Variants in TMEM154 observed in about 807,000 individuals in gnomAD.
The protein encoded by TMEM154 is transmembrane protein 154.
A neutral mutation model predicts 24.5 loss-of-function variants in TMEM154; 27 were observed. The observed-to-expected ratio is 1.10, with a 90% confidence interval of 0.81 to 1.52. The LOEUF (loss-of-function observed/expected upper bound fraction) is 1.52. TMEM154 is among the 40% of genes most tolerant of loss of function. The pLI is 0.00. For missense variants in TMEM154, 228 were observed against 213.4 expected (o/e 1.07, Z -0.43); for synonymous variants, 67 against 76.8 (o/e 0.87, Z 0.67).
At chr4:152,672,952 C>T (rs1728877350) in intron 1 of TMEM154, among the ~76,000 whole-genome samples, 1 of 152,172 alleles carries the variant, frequency 6.6e-6, no homozygotes, top group African/African-American at 2.4e-5. Flanking sequence ...ATGTAAAAAT[C>T]AATCTTAGCT....
chr4:152,677,335 G>A (rs988912971), intron 1 of TMEM154, among the ~76,000 whole-genome samples: 8 of 152,152 alleles, frequency 5.3e-5, no homozygotes, highest in East Asian at 1.9e-4. Flanking sequence ...TTGCCTGCTC[G>A]TTGTTAATAA....
Position 152,679,922 on chromosome 4 carries a change from G to A in TMEM154, c.12C>T (p.Pro4=). Residue 4 remains proline (P), a synonymous_variant, in exon 1 of 7, where the codon CCC becomes CCT. Coordinates refer to ENST00000304385, the MANE Select transcript of TMEM154 (RefSeq NM_152680.3). ...CCAGGGCGAAGACTAGGGCTGCGCG[G>A]GGAGCCTGCATGTCCGCTCGCCTCG... MQA[P]RAALVFALVI... 5 of 1,610,314 alleles carry A rather than the reference G, an allele frequency of 3.1e-6. No individual in the cohort carries two copies. The highest frequency in any genetic ancestry group is 4.2e-6 in the Non-Finnish European group (5 of 1,178,808).
chr4:152,655,885 A>T (rs1486734046), intron 1 of TMEM154, among the ~76,000 whole-genome samples: 2 of 151,764 alleles, frequency 1.3e-5, no homozygotes, highest in East Asian at 3.9e-4. Flanking sequence ...ACCCCTACCT[A>T]TTACAGCCAG....
intron 6 of TMEM154, among the ~76,000 whole-genome samples, chr4:152,628,937 A>G (rs576756099): frequency 1.6e-4 from 24 of 151,858 alleles, no homozygotes; most frequent in African/African-American, 2.9e-4. Context: ...GAGCCACTGC[A>G]CCCGGCCAAC....
intron 6 of TMEM154, among the ~76,000 whole-genome samples, chr4:152,637,259 G>C (rs1188660485): frequency 1.3e-5 from 2 of 152,270 alleles, no homozygotes; most frequent in South Asian, 4.1e-4. Context: ...TTAAAACTTA[G>C]CTACTGCCGG....
intron 6 of TMEM154, among the ~76,000 whole-genome samples, chr4:152,631,905 C>T (rs1045875413): frequency 6.7e-6 from 1 of 148,964 alleles, no homozygotes; most frequent in Non-Finnish European, 1.5e-5. Context: ...CCCAGGTTCA[C>T]ACCATTCTCC....
At chr4:152,641,465 A>T (rs1167232996) in intron 5 of TMEM154, 1 of 152,654 alleles carries the variant, frequency 6.6e-6, no homozygotes, top group Non-Finnish European at 1.5e-5. Context: ...GGGCAAAAAA[A>T]TTCTTTGATT....
At chr4:152,640,502 A>C (rs1752234966) in intron 6 of TMEM154, among the ~76,000 whole-genome samples, 2 of 152,188 alleles carry the variant, frequency 1.3e-5, no homozygotes, top group South Asian at 4.1e-4. Context: ...AAAATGGAAC[A>C]TTTTTTAAAA....
chr4:152,642,984 GTTC>G (rs10535582), intron 5 of TMEM154, 101 bp downstream of exon 5: 60,992 of 841,780 alleles, frequency 0.072, 2,512 homozygotes, highest in African/African-American at 0.12. Context: ...GTGGGATTGG[GTTC>G]TTCTGTCTCA....
intron 6 of TMEM154, 32 bp from the exon 7 acceptor site, chr4:152,628,593 C>T: frequency 2.2e-6 from 1 of 449,982 alleles, no homozygotes; most frequent in Non-Finnish European, 3.2e-6. Context: ...AAAAAAAAAA[C>T]AAAAAAAACA....
At position 152,622,042 on chromosome 4, in the gene TMEM154, T is replaced by A. The variant is rs1046007944; in HGVS notation, c.*6504A>T. On this transcript the variant is annotated 3_prime_UTR_variant, in exon 7 of 7. Coordinates refer to ENST00000304385, the MANE Select transcript of TMEM154 (RefSeq NM_152680.3). The stretch of plus-strand genomic sequence containing the variant: ...CATATTGGTCAGACTGGTCTCGAAC[T>A]CCTGACCTCAGGTGATCCACGTGCC... The A allele has an allele frequency of 1.3e-5, 2 of 152,236 alleles. No individual in the cohort carries two copies. Among genetic ancestry groups the A allele is most frequent in the African/African-American group, 4.8e-5 (2 of 41,454 alleles). The allele number at this position is 152,236 out of a possible 1,614,324, so 9.4% of individuals were successfully genotyped here.
chr4:152,637,446 G>A (rs1561045594), intron 6 of TMEM154, among the ~76,000 whole-genome samples: 1 of 152,140 alleles, frequency 6.6e-6, no homozygotes, highest in South Asian at 2.1e-4. Context: ...TTGGGAGGCT[G>A]AGGCAGGAGA....
intron 3 of TMEM154, among the ~76,000 whole-genome samples, chr4:152,644,654 G>T (rs1439822408): frequency 6.6e-6 from 1 of 152,184 alleles, no homozygotes; most frequent in Non-Finnish European, 1.5e-5. Flanking sequence ...TCTTTTAGAT[G>T]TGGATGGTCT....
At chr4:152,651,648 G>A (rs1201462676) in intron 3 of TMEM154, among the ~76,000 whole-genome samples, 1 of 152,228 alleles carries the variant, frequency 6.6e-6, no homozygotes, top group Non-Finnish European at 1.5e-5. Flanking sequence ...CTTCTACCCA[G>A]ACCACTGAAA....
chr4:152,658,189 T>C (rs1728527630), intron 1 of TMEM154, among the ~76,000 whole-genome samples: 1 of 152,124 alleles, frequency 6.6e-6, no homozygotes, highest in African/African-American at 2.4e-5. Flanking sequence ...GAATGACCAT[T>C]GAGTCAAGAA....
chr4:152,661,294 C>T lies in TMEM154; in HGVS notation c.65-8367G>A, dbSNP rs922479293. ...AAGGGATTGTTCTCTTTCTCTCTCT[C>T]TCTCTCTCTCTCTCTCTCTCTCTCT... On this transcript the variant is annotated intron_variant, in intron 1 of 6. Coordinates refer to ENST00000304385, the MANE Select transcript of TMEM154 (RefSeq NM_152680.3). 1.8e-3 allele frequency among the ~76,000 whole-genome samples: 125 copies of T among 70,338 alleles called. 1 individual carries two copies. Among genetic ancestry groups the T allele is most frequent in the African/African-American group, 7.0e-3 (121 of 17,172 alleles). The allele number at this position is 70,338 out of a possible 152,430, so 46.1% of individuals were successfully genotyped here. A position where few individuals can be genotyped will look rare whatever the true frequency, so the allele number is the denominator to read the frequency against.
chr4:152,640,783 CCA>C, intron 6 of TMEM154, 143 bp downstream of exon 6: 1 of 659,150 alleles, frequency 1.5e-6, no homozygotes. Context: ...TTCCTCTTCT[CCA>C]CACTATGCAC....
intron 3 of TMEM154, among the ~76,000 whole-genome samples, chr4:152,648,099 A>G (rs1379990340): frequency 6.6e-6 from 1 of 152,248 alleles, no homozygotes; most frequent in Non-Finnish European, 1.5e-5. Context: ...GAATACTGTG[A>G]ACAAAGAGTG....
intron 5 of TMEM154, 109 bp from the exon 6 acceptor site, chr4:152,641,094 C>A: frequency 9.9e-7 from 1 of 1,005,406 alleles, no homozygotes; most frequent in Non-Finnish European, 1.4e-6. Flanking sequence ...TGGTTACTTG[C>A]ACAAAAATGG....
Sources: allele counts gnomAD v4.1 joint callset (sites outside exome capture counted in the v4.1 genomes callset), GRCh38; gene constraint gnomAD v4.1.1; transcripts MANE v1.5; gene names NCBI Gene and HGNC (gene_info 2026-07-23, HGNC 2026-07-21).